PADI2: variants seen among roughly 807,000 people sequenced by gnomAD.
The protein encoded by PADI2 is protein-arginine deiminase type-2.
Under a neutral mutation model 81.1 loss-of-function variants are expected in PADI2, and 70 were observed. The ratio of observed to expected loss-of-function variants is 0.86; its 90% CI spans 0.71 to 1.05. PADI2 has a LOEUF of 1.05. Ranked by LOEUF, PADI2 falls within the 50% of genes least tolerant of loss-of-function variation. The pLI, the probability that PADI2 is intolerant of heterozygous loss-of-function variation, is 0.00. For missense variants in PADI2, 853 were observed against 889.9 expected (o/e 0.96, Z 0.53); for synonymous variants, 338 against 358.0 (o/e 0.94, Z 0.63).
At position 17,088,925 on chromosome 1, in the gene PADI2, A is replaced by AAAACC. The variant is rs575253558; in HGVS notation, c.656-2227_656-2226insGGTTT. ...CCATCTCAAAAAAAAAAAAAAAAAA[A>AAAACC]AAAAAACCAAGCCTCAGAGAATTCA... On this transcript the variant is annotated intron_variant, in intron 6 of 15. Coordinates refer to ENST00000375486, the MANE Select transcript of PADI2 (RefSeq NM_007365.3). Among the ~76,000 whole-genome samples, 3 of 83,358 alleles carry AAAACC rather than the reference A, an allele frequency of 3.6e-5. 1 individual carries two copies. The highest frequency in any genetic ancestry group is 2.5e-4 in the Admixed American group (2 of 7,906). The allele number at this position is 83,358 out of a possible 152,430, so 54.7% of individuals were successfully genotyped here. A position where few individuals can be genotyped will look rare whatever the true frequency, so the allele number is the denominator to read the frequency against.
At chr1:17,087,332 C>T (rs1218169628) in intron 6 of PADI2, among the ~76,000 whole-genome samples, 1 of 152,152 alleles carries the variant, frequency 6.6e-6, no homozygotes, top group Non-Finnish European at 1.5e-5. Flanking sequence ...GTGCTCTCCC[C>T]TCTGCCTGAA....
rs1481315231 is a variant in PADI2 at position 17,093,581 on chromosome 1, A to G, written c.515T>C (p.Val172Ala). 6.2e-7 allele frequency: 1 copy of G among 1,608,654 alleles called. No individual in the cohort carries two copies. Among genetic ancestry groups the G allele is most frequent in the South Asian group, 1.1e-5 (1 of 90,864 alleles). ...CCTGCTGGCACCTTCCTTGCTGTAG[A>G]CCTTCTCATCACGGCAGTCCTCCTT... is the stretch of plus-strand genomic sequence containing the variant. ...LPKEDCRDEKVYSKEDLKDMS... is the reference protein window; with the variant it reads ...LPKEDCRDEKAYSKEDLKDMS... Residue 172 changes from valine to alanine, a missense_variant, in exon 5 of 16, where the codon GTC becomes GCC. Coordinates refer to ENST00000375486, the MANE Select transcript of PADI2 (RefSeq NM_007365.3).
At chr1:17,090,581 T>TGTGTGTG (rs1553182498) in intron 6 of PADI2, among the ~76,000 whole-genome samples, 12 of 142,740 alleles carry the variant, frequency 8.4e-5, no homozygotes, top group African/African-American at 3.1e-4. Context: ...CGTCCTTTGC[T>TGTGTGTG]TGTGTGTGTG....
intron 1 of PADI2, among the ~76,000 whole-genome samples, chr1:17,111,644 A>G (rs1320249823): frequency 6.6e-6 from 1 of 152,154 alleles, no homozygotes; most frequent in Admixed American, 6.5e-5. Context: ...ACCACTACCT[A>G]CAGGGCCTAC....
chr1:17,092,209 A>T (rs1475572666), intron 6 of PADI2, among the ~76,000 whole-genome samples, 199 bp downstream of exon 6: 3 of 152,116 alleles, frequency 2.0e-5, no homozygotes, highest in African/African-American at 7.2e-5. Context: ...ATGTCACTCC[A>T]GACTCCTTTG....
chr1:17,104,435 T>TTTTTTC lies in PADI2; in HGVS notation c.276+442_276+443insGAAAAA, dbSNP rs1553183723. On this transcript the variant is annotated intron_variant, in intron 2 of 15. Transcript: ENST00000375486. Reference sequence around the variant, plus strand: ...ACCTGTTTCTTTTTGCCTTTTCTTTTTTTTTTTTTTTTTTTTTGAGACGGA... The same window carrying TTTTTTC: ...ACCTGTTTCTTTTTGCCTTTTCTTTTTTTTTCTTTTTTTTTTTTTTTTTGAGACGGA... 2.7e-5 allele frequency among the ~76,000 whole-genome samples: 2 copies of TTTTTTC among 73,632 alleles called. 1 individual carries two copies. The highest frequency in any genetic ancestry group is 5.8e-5 in the Non-Finnish European group (2 of 34,666). 48.3% of individuals were successfully genotyped at this position (73,632 alleles called of 152,430 possible).
In PADI2 at chr1:17,079,323, C is replaced by T. The variant is rs150782078; in HGVS notation, c.1251G>A (p.Val417=). 1 of 1,614,004 alleles carries T rather than the reference C, an allele frequency of 6.2e-7. No homozygotes were observed. Among genetic ancestry groups the T allele is most frequent in the Non-Finnish European group, 8.5e-7 (1 of 1,179,996 alleles). Residue 417 remains valine (V), a synonymous_variant, in exon 11 of 16, where the codon GTG becomes GTA. Transcript: ENST00000375486. ...GCGGGTATGTCTTGCCGTTCACGGT[C>T]ACTGGGGGACTGACCTCCAGGTTTC... ...SFGNLEVSPP[V]TVNGKTYPLG...
chr1:17,100,038 T>G (rs1931086262), intron 3 of PADI2, among the ~76,000 whole-genome samples: 1 of 92,576 alleles, frequency 1.1e-5, no homozygotes, highest in Admixed American at 9.5e-5. Context: ...TCTCAAGATA[T>G]TGGGGTTGGG....
intron 6 of PADI2, among the ~76,000 whole-genome samples, chr1:17,087,390 A>G (rs1333441669): frequency 6.6e-6 from 1 of 152,198 alleles, no homozygotes; most frequent in African/African-American, 2.4e-5. Flanking sequence ...GTCACTTGCA[A>G]CAATCCAGCC....
At position 17,102,750 on chromosome 1, in the gene PADI2, T is replaced by TTGG. The variant is rs1553183533; in HGVS notation, c.349+234_349+236dup. 2.2e-4 allele frequency among the ~76,000 whole-genome samples: 14 copies of TTGG among 62,362 alleles called. 1 individual carries two copies. The highest frequency in any genetic ancestry group is 8.2e-4 in the Admixed American group (6 of 7,274). 40.9% of individuals were successfully genotyped at this position (62,362 alleles called of 152,430 possible). A position where few individuals can be genotyped will look rare whatever the true frequency, so the allele number is the denominator to read the frequency against. ...GAGCCTGGGAAGGGGACCTTGACACTTGGGGGGGGGTTGCTGATGGATCAG... is the reference window on the plus strand; with the variant it reads ...GAGCCTGGGAAGGGGACCTTGACACTTGGTGGGGGGGGGTTGCTGATGGATCAG... On this transcript the variant is annotated intron_variant, in intron 3 of 15. Coordinates refer to ENST00000375486, the MANE Select transcript of PADI2 (RefSeq NM_007365.3).
chr1:17,078,430 C>G (rs1464983859), intron 11 of PADI2, among the ~76,000 whole-genome samples: 1 of 151,552 alleles, frequency 6.6e-6, no homozygotes, highest in Non-Finnish European at 1.5e-5. Flanking sequence ...TTGCCAGAGT[C>G]TCTCTCTCAC....
rs1216181262 is a variant in PADI2 at position 17,103,043 on chromosome 1, T to C, written c.293A>G (p.Tyr98Cys). The C allele has an allele frequency of 8.7e-6, 14 of 1,612,784 alleles. No homozygotes were observed. The East Asian group carries it at 2.2e-4, about 26-fold the overall frequency. ...GATGGGAATGCTCCCTTCCTCGTCA[T>C]AGTAGTTGACGGTGACCTTGGTGGG... is the stretch of plus-strand genomic sequence containing the variant. Reference protein sequence around the residue: ...ASSDKVTVNYYDEEGSIPIDQ... With the variant: ...ASSDKVTVNYCDEEGSIPIDQ... The change falls in exon 3 of 16, where the codon TAT (tyrosine) becomes TGT (cysteine). Residue 98 changes from tyrosine (Y) to cysteine (C), a missense_variant. By Grantham distance (194) the Tyr-to-Cys change is radical (BLOSUM62 -2). Transcript: ENST00000375486.
At chr1:17,088,061 A>G (rs1376775738) in intron 6 of PADI2, among the ~76,000 whole-genome samples, 2 of 152,148 alleles carry the variant, frequency 1.3e-5, no homozygotes, top group Non-Finnish European at 2.9e-5. Context: ...TCAGCTGATG[A>G]TAAGATGGAG....
chr1:17,095,097 G>T (rs1356553669), intron 4 of PADI2, among the ~76,000 whole-genome samples: 12 of 152,216 alleles, frequency 7.9e-5, no homozygotes, highest in Admixed American at 7.9e-4. Flanking sequence ...GCTTCAGAGT[G>T]TTATTATAAA....
At chr1:17,112,705 C>T (rs1481496224) in intron 1 of PADI2, among the ~76,000 whole-genome samples, 2 of 152,142 alleles carry the variant, frequency 1.3e-5, no homozygotes, top group Non-Finnish European at 2.9e-5. Flanking sequence ...CAAACAATGA[C>T]GTCTGCCTTC....
intron 1 of PADI2, among the ~76,000 whole-genome samples, chr1:17,106,215 T>C (rs932615033): frequency 1.3e-5 from 2 of 152,150 alleles, no homozygotes; most frequent in Non-Finnish European, 2.9e-5. Context: ...TGGTTTTCCA[T>C]TGCAAAGCAA....
intron 14 of PADI2, among the ~76,000 whole-genome samples, chr1:17,070,951 C>A (rs573195615): frequency 1.3e-5 from 2 of 152,178 alleles, no homozygotes; most frequent in Non-Finnish European, 2.9e-5. Context: ...CATGAGCCAC[C>A]AGGCCCGGCC....
chr1:17,098,699 C>T (rs1192092063), intron 3 of PADI2, among the ~76,000 whole-genome samples: 1 of 152,210 alleles, frequency 6.6e-6, no homozygotes, highest in Non-Finnish European at 1.5e-5. Flanking sequence ...TTCATAACTC[C>T]TCTCTGATGA....
At chr1:17,076,580 T>G (rs2078304414) in intron 11 of PADI2, among the ~76,000 whole-genome samples, 2 of 150,970 alleles carry the variant, frequency 1.3e-5, no homozygotes, top group Admixed American at 6.6e-5. Flanking sequence ...TCTTTTTTTG[T>G]GTGTGTTTGT....
Sources: gnomAD v4.1 joint callset for allele counts (sites outside exome capture counted in the v4.1 genomes callset) on GRCh38, gnomAD v4.1.1 for gene constraint, MANE v1.5 for transcripts, NCBI Gene and HGNC (gene_info 2026-07-23, HGNC 2026-07-21) for gene names.